ESPL1: variants seen among roughly 807,000 people sequenced by gnomAD.
The protein encoded by ESPL1 is extra spindle pole bodies like 1, separase.
In ESPL1, 50 loss-of-function variants were observed where a neutral mutation model predicts 217.2. The observed-to-expected ratio is 0.23, with a 90% CI of 0.18 to 0.29. The LOEUF (loss-of-function observed/expected upper bound fraction) is 0.29, where lower values mean the gene tolerates loss of function less well. Ranked by LOEUF, ESPL1 falls within the 10% of genes least tolerant of loss-of-function variation. The probability of loss-of-function intolerance (pLI) is 1.00; values close to 1 mark genes in which losing one functional copy is unlikely to be tolerated. For synonymous variants in ESPL1, 994 were observed against 1,081.3 expected, an observed-to-expected ratio of 0.92 and a Z score of 1.58; for missense variants, 1,834 against 2,603.0, an observed-to-expected ratio of 0.70 and a Z score of 6.43.
In ESPL1 at chr12:53,276,656, G is replaced by A; in HGVS notation, c.1737G>A (p.Glu579=). 1 of 1,612,838 alleles carries A rather than the reference G, an allele frequency of 6.2e-7. No individual in the cohort carries two copies. The highest frequency in any genetic ancestry group is 8.5e-7 in the Non-Finnish European group (1 of 1,179,864). ...ACAGCCTCAGTGGCTGGGACCCGGA[G>A]ACCCTGGCCCTCCTGCTGAGGGAGG... ...LRDSLSGWDP[E]TLALLLREEL... is the part of the protein sequence containing the mutation. The change falls in exon 8 of 31, where the codon GAG becomes GAA. Residue 579 remains glutamate, a synonymous_variant. Coordinates refer to ENST00000257934, the MANE Select transcript of ESPL1 (RefSeq NM_012291.5).
intron 4 of ESPL1, 42 bp downstream of exon 4, chr12:53,270,524 GTTT>G (rs1565750813): frequency 2.3e-6 from 3 of 1,294,516 alleles, no homozygotes. Flanking sequence ...GGCTCATAGG[GTTT>G]GGGGTTGCTC....
rs556090690 is a variant in ESPL1 at position 53,286,781 on chromosome 12, C to T, written c.4045C>T (p.Pro1349Ser). The stretch of plus-strand genomic sequence containing the variant: ...TAGAGGACTGCCCTGCACACCTAAA[C>T]CCCCAGACCGGATCAGGCAAGCTGG... ...EGRGLPCTPK[P>S]PDRIRQAGPH... The change falls in exon 18 of 31, where the codon CCC becomes TCC. Residue 1349 changes from proline to serine, a missense_variant. Physicochemically the swap from Pro to Ser is moderately conservative, Grantham distance 74. Around this residue, in one of 5 missense-constraint regions of ESPL1, gnomAD observed 681 missense variants for 808.0 expected, o/e 0.84. Transcript: ENST00000257934. This position sits in a 1 kb window ranked among gnomAD's most constrained non-coding sequence, Gnocchi z 5.3. The T allele has an allele frequency of 2.5e-6, 4 of 1,614,130 alleles. No individual in the cohort carries two copies. The African/African-American group carries it at 5.3e-5, about 22-fold the overall frequency.
At position 53,286,302 on chromosome 12, in the gene ESPL1, A is replaced by C; in HGVS notation, c.3566A>C (p.Lys1189Thr). The change falls in exon 18 of 31, where the codon AAG becomes ACG. Residue 1189 changes from lysine to threonine, a missense_variant. Lys to Thr is a moderately conservative substitution (Grantham distance 78). Coordinates refer to ENST00000257934, the MANE Select transcript of ESPL1 (RefSeq NM_012291.5). This position sits in a 1 kb window ranked among gnomAD's most constrained non-coding sequence, Gnocchi z 5.3. ...QGLDLLQVVL[K>T]GCPEAAERLT... ...CTGGATCTGCTGCAGGTCGTGCTGAAGGGCTGTCCTGAAGCCGCTGAGCGC... is the reference window on the plus strand; with the variant it reads ...CTGGATCTGCTGCAGGTCGTGCTGACGGGCTGTCCTGAAGCCGCTGAGCGC... 1 of 1,614,178 alleles carries C rather than the reference A, an allele frequency of 6.2e-7. No individual in the cohort carries two copies. Among genetic ancestry groups the C allele is most frequent in the Non-Finnish European group, 8.5e-7 (1 of 1,180,036 alleles).
chr12:53,273,763 C>A (rs1039556068), intron 6 of ESPL1, among the ~76,000 whole-genome samples: 20 of 146,672 alleles, frequency 1.4e-4, no homozygotes, highest in Admixed American at 1.1e-3. Flanking sequence ...CATCTCACAT[C>A]TGAATATTTT....
intron 5 of ESPL1, among the ~76,000 whole-genome samples, chr12:53,271,967 C>T (rs1943682707): frequency 6.7e-6 from 1 of 150,188 alleles, no homozygotes; most frequent in Admixed American, 6.6e-5. Context: ...GGCGCCTGTA[C>T]TCCCAGCTAC....
chr12:53,288,502 AG>A, intron 19 of ESPL1, 35 bp from the exon 20 acceptor site: 1 of 1,579,920 alleles, frequency 6.3e-7, no homozygotes. Context: ...TGGCAGGGGG[AG>A]GGAGCACTGT....
rs1168809426 is a variant in ESPL1 at position 53,283,024 on chromosome 12, C to T, written c.2792-105C>T. The T allele has an allele frequency of 3.5e-6, 5 of 1,439,460 alleles. No individual in the cohort carries two copies. In the African/African-American group the frequency reaches 7.0e-5, roughly 20 times the overall value. The allele number at this position is 1,439,460 out of a possible 1,614,324, so 89.2% of individuals were successfully genotyped here. Reference sequence around the variant, plus strand: ...TTATGAGATTGATTAGCTCTGCCTGCCTTAATGCAGAAGGAAGCATGGGAA... The same window carrying T: ...TTATGAGATTGATTAGCTCTGCCTGTCTTAATGCAGAAGGAAGCATGGGAA... On this transcript the variant is annotated intron_variant, in intron 14 of 30. Coordinates refer to ENST00000257934, the MANE Select transcript of ESPL1 (RefSeq NM_012291.5).
chr12:53,281,132 C>T (rs1943853544), intron 12 of ESPL1, among the ~76,000 whole-genome samples: 7 of 130,166 alleles, frequency 5.4e-5, no homozygotes, highest in Admixed American at 5.2e-4. Context: ...TACTTTACTC[C>T]ACTTTTTTTT....
Position 53,289,161 on chromosome 12 carries a change from A to G in ESPL1, c.4780A>G (p.Ser1594Gly). ...CCGGGGCATTAGTCACTGTCCTCCT[A>G]GTGGGCTCTATGCCCACCTCTGCCG... ...AFRGISHCPP[S>G]GLYAHLCRFL... The change falls in exon 21 of 31, where the codon AGT becomes GGT. Residue 1594 changes from serine to glycine, a missense_variant. Ser to Gly is a moderately conservative substitution (Grantham distance 56). Coordinates refer to ENST00000257934, the MANE Select transcript of ESPL1 (RefSeq NM_012291.5). 6.2e-7 allele frequency: 1 copy of G among 1,614,044 alleles called. No homozygotes were observed. Among genetic ancestry groups the G allele is most frequent in the East Asian group, 2.2e-5 (1 of 44,878 alleles).
At chr12:53,291,897 G>T in intron 26 of ESPL1, 37 bp downstream of exon 26, 1 of 1,593,574 alleles carries the variant, frequency 6.3e-7, no homozygotes, top group African/African-American at 1.3e-5. Flanking sequence ...GTCTAGTGGG[G>T]AGTGAATACC....
rs78841378 is a variant in ESPL1 at position 53,279,664 on chromosome 12, G to A, written c.2365-68G>A. 1.1e-4 allele frequency: 169 copies of A among 1,600,992 alleles called. No homozygotes were observed. In the African/African-American group the frequency reaches 2.1e-3, roughly 20 times the overall value. On this transcript the variant is annotated intron_variant, in intron 11 of 30. Coordinates refer to ENST00000257934, the MANE Select transcript of ESPL1 (RefSeq NM_012291.5). The stretch of plus-strand genomic sequence containing the variant: ...CTACAGTCCAAGGTCCCAAAGGGCT[G>A]GGGAGCAGAGGGTAGAAATAGAGGC...
chr12:53,288,785 CG>C, intron 20 of ESPL1, 86 bp downstream of exon 20: 1 of 1,317,700 alleles, frequency 7.6e-7, no homozygotes, highest in Non-Finnish European at 1.1e-6. Flanking sequence ...AGGCTGGGTT[CG>C]GATCTGGATC....
Position 53,293,312 on chromosome 12 carries a change from C to T in ESPL1, c.6201C>T (p.Arg2067=), listed in dbSNP as rs369327696. The change falls in exon 31 of 31, where the codon CGC becomes CGT. Residue 2067 remains arginine (R), a synonymous_variant. Coordinates refer to ENST00000257934, the MANE Select transcript of ESPL1 (RefSeq NM_012291.5). This position sits in a 1 kb window ranked among gnomAD's most constrained non-coding sequence, Gnocchi z 4.2. Reference sequence around the variant, plus strand: ...GTAATCTCTGGGATGTGACTGACCGCGACATTGACCGCTACACGGAAGCTC... The same window carrying T: ...GTAATCTCTGGGATGTGACTGACCGTGACATTGACCGCTACACGGAAGCTC... The part of the protein sequence containing the change: ...FLGNLWDVTD[R]DIDRYTEALL... The T allele has an allele frequency of 8.6e-5, 139 of 1,614,040 alleles. No homozygotes were observed. The highest frequency in any genetic ancestry group is 1.1e-4 in the Non-Finnish European group (126 of 1,180,024).
intron 17 of ESPL1, among the ~76,000 whole-genome samples, chr12:53,285,213 A>G (rs1018888825): frequency 5.3e-5 from 8 of 152,162 alleles, no homozygotes; most frequent in Non-Finnish European, 7.3e-5. Flanking sequence ...CCAATCACAT[A>G]TACTTCTAGT....
chr12:53,291,692 C>T lies in ESPL1; in HGVS notation c.5523C>T (p.Ile1841=). The change falls in exon 26 of 31, where the codon ATC becomes ATT. Residue 1841 remains isoleucine (I), a splice_region_variant and synonymous_variant. Transcript: ENST00000257934. ...WKYPDRTLLK[I]MLSGAGALTP... is the part of the protein sequence containing the mutation. ...TCACCACCACTGTTTCCCTGCAGAT[C>T]ATGCTCAGTGGTGCCGGTGCCCTCA... 6.2e-7 allele frequency: 1 copy of T among 1,613,490 alleles called. No individual in the cohort carries two copies. Among genetic ancestry groups the T allele is most frequent in the Non-Finnish European group, 8.5e-7 (1 of 1,179,686 alleles).
At chr12:53,278,597 C>CTTTT (rs111602446) in intron 11 of ESPL1, among the ~76,000 whole-genome samples, 2,598 of 144,510 alleles carry the variant, frequency 0.018, 77 homozygotes, top group African/African-American at 0.063. Context: ...TGTGTGCCTT[C>CTTTT]TTTTTTTTTT....
chr12:53,268,423 A>C, intron 1 of ESPL1, 46 bp downstream of exon 1: 2 of 282,310 alleles, frequency 7.1e-6, no homozygotes, highest in East Asian at 8.8e-5. Flanking sequence ...GCTGAAGTGA[A>C]GGGGATCCCC....
At position 53,293,313 on chromosome 12, in the gene ESPL1, G is replaced by A. The variant is rs769795172; in HGVS notation, c.6202G>A (p.Asp2068Asn). ...TAATCTCTGGGATGTGACTGACCGCGACATTGACCGCTACACGGAAGCTCT... is the reference window on the plus strand; with the variant it reads ...TAATCTCTGGGATGTGACTGACCGCAACATTGACCGCTACACGGAAGCTCT... The part of the protein sequence containing the change: ...LGNLWDVTDR[D>N]IDRYTEALLQ... Residue 2068 changes from aspartate to asparagine, a missense_variant, in exon 31 of 31, where the codon GAC becomes AAC. By Grantham distance (23) the Asp-to-Asn change is conservative. This residue lies in a region of ESPL1 where 295 missense variants were observed against 519.8 expected (regional missense o/e 0.57). Coordinates refer to ENST00000257934, the MANE Select transcript of ESPL1 (RefSeq NM_012291.5). This position sits in a 1 kb window ranked among gnomAD's most constrained non-coding sequence, Gnocchi z 4.2. The A allele has an allele frequency of 1.2e-6, 2 of 1,614,092 alleles. No individual in the cohort carries two copies. The highest frequency in any genetic ancestry group is 1.7e-5 in the Admixed American group (1 of 60,010).
intron 5 of ESPL1, 51 bp from the exon 6 acceptor site, chr12:53,272,670 A>C (rs1225045060): frequency 6.3e-7 from 1 of 1,592,580 alleles, no homozygotes; most frequent in Non-Finnish European, 8.5e-7. Flanking sequence ...CCAGGAGGAG[A>C]GGGTGGTGGG....
Sources: allele counts gnomAD v4.1 joint callset (sites outside exome capture counted in the v4.1 genomes callset), GRCh38; gene constraint gnomAD v4.1.1; regional missense constraint gnomAD v4.1.1; non-coding constraint Gnocchi (gnomAD v3.1); transcripts MANE v1.5; gene names NCBI Gene and HGNC (gene_info 2026-07-23, HGNC 2026-07-21).